Variants in GAS2 observed in about 807,000 individuals in gnomAD.
The protein encoded by GAS2 is growth arrest-specific protein 2.
A neutral mutation model predicts 37.5 loss-of-function variants in GAS2; 20 were observed. That is an observed-to-expected ratio of 0.53 (90% CI 0.37 to 0.77). The LOEUF (loss-of-function observed/expected upper bound fraction) is 0.77. GAS2 is among the 30% of genes least tolerant of loss of function. The pLI is 0.00. For synonymous variants in GAS2, 144 were observed against 132.2 expected, an observed-to-expected ratio of 1.09 and a Z score of -0.61; for missense variants, 336 against 373.4, an observed-to-expected ratio of 0.90 and a Z score of 0.82.
chr11:22,751,799 G>A (rs766742715), intron 6 of GAS2, among the ~76,000 whole-genome samples: 2 of 151,954 alleles, frequency 1.3e-5, no homozygotes, highest in Non-Finnish European at 2.9e-5. Context: ...GGACTTCAGA[G>A]TTTACCAATA....
intron 1 of GAS2, among the ~76,000 whole-genome samples, chr11:22,647,297 C>T (rs1290202082): frequency 1.3e-5 from 2 of 151,930 alleles, no homozygotes; most frequent in Non-Finnish European, 2.9e-5. Context: ...GTATATGTGC[C>T]ACATTTTCTT....
At chr11:22,795,123 A>G (rs1856364553) in intron 7 of GAS2, among the ~76,000 whole-genome samples, 1 of 152,208 alleles carries the variant, frequency 6.6e-6, no homozygotes, top group Non-Finnish European at 1.5e-5. Flanking sequence ...GCCATATACA[A>G]TACAGAGTGC....
At chr11:22,664,894 A>G (rs1848959366), upstream of GAS2, among the ~76,000 whole-genome samples, 1 of 152,156 alleles carries the variant, frequency 6.6e-6, no homozygotes, top group African/African-American at 2.4e-5. Flanking sequence ...AATATTCAGT[A>G]CAACTCTTAG....
intron 7 of GAS2, among the ~76,000 whole-genome samples, chr11:22,798,712 G>A (rs756163803): frequency 6.6e-6 from 1 of 152,056 alleles, no homozygotes; most frequent in Non-Finnish European, 1.5e-5. Flanking sequence ...TGGCAAGGAC[G>A]TCTTTAAGTG....
intron 6 of GAS2, among the ~76,000 whole-genome samples, chr11:22,754,663 T>C (rs1367330436): frequency 6.6e-6 from 1 of 152,114 alleles, no homozygotes; most frequent in African/African-American, 2.4e-5. Flanking sequence ...CTGGAACATT[T>C]CTTATTCTAG....
intron 1 of GAS2, among the ~76,000 whole-genome samples, chr11:22,648,063 C>A (rs1028667228): frequency 6.6e-6 from 1 of 152,130 alleles, no homozygotes; most frequent in African/African-American, 2.4e-5. Context: ...TTAGGTCTAA[C>A]GTTTAAGTCT....
intron 1 of GAS2, among the ~76,000 whole-genome samples, chr11:22,642,661 T>C (rs1431728615): frequency 1.3e-5 from 2 of 152,198 alleles, no homozygotes; most frequent in African/African-American, 4.8e-5. Context: ...GCTGAAAGCT[T>C]ATTTTATTTT....
chr11:22,775,209 A>G (rs377160097), intron 7 of GAS2, among the ~76,000 whole-genome samples: 26 of 152,332 alleles, frequency 1.7e-4, no homozygotes, highest in African/African-American at 4.6e-4. Context: ...ATTGCATTTT[A>G]AATCATTCAG....
chr11:22,729,249 T>TA (rs1304738190), intron 4 of GAS2, among the ~76,000 whole-genome samples: 1 of 151,870 alleles, frequency 6.6e-6, no homozygotes, highest in Admixed American at 6.6e-5. Context: ...AAAGCATCCT[T>TA]ATCCTTGTGG....
At chr11:22,628,096 GA>G (rs1336849091) in intron 1 of GAS2, among the ~76,000 whole-genome samples, 1 of 152,106 alleles carries the variant, frequency 6.6e-6, no homozygotes, top group Non-Finnish European at 1.5e-5. Context: ...ACATATTTCA[GA>G]TTAGTCTATT....
intron 1 of GAS2, among the ~76,000 whole-genome samples, chr11:22,653,826 A>G (rs192545718): frequency 1.3e-5 from 2 of 152,336 alleles, no homozygotes; most frequent in East Asian, 3.9e-4. Flanking sequence ...GAGCATAATA[A>G]AAGACATGTG....
chr11:22,655,232 A>G (rs1005139716), intron 1 of GAS2, among the ~76,000 whole-genome samples: 3 of 152,210 alleles, frequency 2.0e-5, no homozygotes, highest in East Asian at 1.9e-4. Context: ...TCCCAGAGGC[A>G]TACCTAACTT....
intron 1 of GAS2, among the ~76,000 whole-genome samples, chr11:22,635,325 G>GGGAACATT (rs1335077423): frequency 3.3e-5 from 5 of 152,196 alleles, no homozygotes; most frequent in Non-Finnish European, 7.3e-5. Context: ...TGGCTTCTGA[G>GGGAACATT]GGAACATTCC....
In GAS2 at chr11:22,674,993, T is replaced by C. The variant is rs772354095; in HGVS notation, c.124T>C (p.Leu42=). ...NLLPMKEDLA[L]WLTNLLGKEI... is the part of the protein sequence containing the mutation. ...GCTACCAATGAAAGAAGATCTGGCC[T>C]TGTGGTTAACCAATCTATTAGGTAA... The change falls in exon 2 of 8, where the codon TTG becomes CTG. Residue 42 remains leucine (L), a synonymous_variant. Coordinates refer to ENST00000454584, the MANE Select transcript of GAS2 (RefSeq NM_001143830.3). The C allele has an allele frequency of 3.1e-6, 5 of 1,613,796 alleles. No homozygotes were observed. Among genetic ancestry groups the C allele is most frequent in the Non-Finnish European group, 4.2e-6 (5 of 1,179,814 alleles).
intron 1 of GAS2, among the ~76,000 whole-genome samples, chr11:22,661,502 TAAAAG>T (rs749074060): frequency 3.5e-4 from 54 of 152,128 alleles, no homozygotes; most frequent in South Asian, 6.2e-4. Context: ...AAGTGAGAAA[TAAAAG>T]AAATAGCAAA....
chr11:22,779,150 A>G (rs771453918), intron 7 of GAS2, among the ~76,000 whole-genome samples: 1 of 151,314 alleles, frequency 6.6e-6, no homozygotes. Context: ...TTGAAATTCT[A>G]TCTCTCCACC....
At position 22,729,754 on chromosome 11, in the gene GAS2, T is replaced by C. The variant is rs1347076590; in HGVS notation, c.409+3321T>C. ...TAGATGTGAATAAAATCTACCTTAT[T>C]ACTAAAGGTAGATTTTAGCTATGAA... is the stretch of plus-strand genomic sequence containing the variant. On this transcript the variant is annotated intron_variant, in intron 4 of 7. Coordinates refer to ENST00000454584, the MANE Select transcript of GAS2 (RefSeq NM_001143830.3). Among the ~76,000 whole-genome samples, 10 of 120,898 alleles carry C rather than the reference T, an allele frequency of 8.3e-5. No individual in the cohort carries two copies. In the Admixed American group the frequency reaches 8.7e-4, roughly 10 times the overall value. 79.3% of individuals were successfully genotyped at this position (120,898 alleles called of 152,430 possible).
At chr11:22,767,515 T>C (rs1020077219) in intron 7 of GAS2, among the ~76,000 whole-genome samples, 1 of 151,946 alleles carries the variant, frequency 6.6e-6, no homozygotes, top group African/African-American at 2.4e-5. Context: ...GACAAGGATA[T>C]TTCTTTGTTT....
In GAS2 at chr11:22,643,458, G is replaced by GAA. The variant is rs112763541; in HGVS notation, c.-21+17660_-21+17661dup. 3.5e-3 allele frequency among the ~76,000 whole-genome samples: 400 copies of GAA among 113,946 alleles called. 3 individuals carry two copies. Among genetic ancestry groups the GAA allele is most frequent in the Middle Eastern group, 0.015 (3 of 206 alleles). The allele number at this position is 113,946 out of a possible 152,430, so 74.8% of individuals were successfully genotyped here. A position where few individuals can be genotyped will look rare whatever the true frequency, so the allele number is the denominator to read the frequency against. ...TTGCCACTGCTTGGACATCTGTTTT[G>GAA]AAAAAAAAAAAAAAAACGATATAGA... On this transcript the variant is annotated intron_variant, in intron 1 of 5. Transcript: ENST00000528582.
Sources: gnomAD v4.1 joint callset for allele counts (sites outside exome capture counted in the v4.1 genomes callset) on GRCh38, gnomAD v4.1.1 for gene constraint, MANE v1.5 for transcripts, NCBI Gene and HGNC (gene_info 2026-07-23, HGNC 2026-07-21) for gene names.